CNOT2: variants seen among roughly 807,000 people sequenced by gnomAD.
CNOT2 encodes CCR4-NOT transcription complex subunit 2, also known as CC chemokine receptor 4-negative regulator of transcription 2.
In CNOT2, 7 loss-of-function variants were observed where a neutral mutation model predicts 72.1. The ratio of observed to expected loss-of-function variants is 0.10; its 90% CI spans 0.06 to 0.18. The LOEUF is 0.18. CNOT2 is among the 10% of genes least tolerant of loss of function. CNOT2 has a pLI of 1.00. For synonymous variants in CNOT2, 196 were observed against 225.6 expected (o/e 0.87, Z 1.17); for missense variants, 345 against 660.3 (o/e 0.52, Z 5.23).
intron 2 of CNOT2, among the ~76,000 whole-genome samples, chr12:70,306,127 A>G (rs1875333084): frequency 1.3e-5 from 2 of 152,144 alleles, no homozygotes; most frequent in South Asian, 4.1e-4. Context: ...ACAGAGGATT[A>G]GCTTACTTAT....
At chr12:70,346,097 G>T in intron 14 of CNOT2, 83 bp from the exon 15 acceptor site, 6 of 857,384 alleles carry the variant, frequency 7.0e-6, no homozygotes, top group Middle Eastern at 2.3e-4. Flanking sequence ...TTTTTTTTCC[G>T]GAGGAAAGCT....
chr12:70,278,351 T>C, intron 2 of CNOT2, 77 bp downstream of exon 2: 6 of 1,109,128 alleles, frequency 5.4e-6, no homozygotes, highest in Non-Finnish European at 6.7e-6. Context: ...TTATATGTAA[T>C]TGGAACCAGC....
intron 2 of CNOT2, among the ~76,000 whole-genome samples, chr12:70,302,871 A>C (rs1394670332): frequency 3.5e-4 from 53 of 152,150 alleles, no homozygotes; most frequent in East Asian, 1.5e-3. Context: ...GTAGGTCACT[A>C]AGGACTTGCT....
intron 2 of CNOT2, among the ~76,000 whole-genome samples, chr12:70,302,072 T>G (rs915566864): frequency 6.6e-6 from 1 of 152,212 alleles, no homozygotes; most frequent in Admixed American, 6.5e-5. Flanking sequence ...GATATCCCCT[T>G]TGGCATTTTT....
chr12:70,329,002 T>G (rs1879517782), intron 4 of CNOT2, among the ~76,000 whole-genome samples: 1 of 151,900 alleles, frequency 6.6e-6, no homozygotes, highest in African/African-American at 2.4e-5. Flanking sequence ...CAAAGCGGGG[T>G]TAAATGTCTT....
intron 1 of CNOT2, among the ~76,000 whole-genome samples, chr12:70,254,864 C>T (rs892445166): frequency 2.6e-5 from 4 of 151,512 alleles, no homozygotes; most frequent in African/African-American, 7.3e-5. Flanking sequence ...GTCTCTAATC[C>T]GAGATGCTTG....
rs777224437 is a variant in CNOT2 at position 70,278,278 on chromosome 12, A to G, written c.48+4A>G. 3 of 1,598,742 alleles carry G rather than the reference A, an allele frequency of 1.9e-6. No individual in the cohort carries two copies. The highest frequency in any genetic ancestry group is 2.6e-6 in the Non-Finnish European group (3 of 1,166,046). ...ATCTGAGAAAAGAAACTACCAGGTA[A>G]GACCAGTCTTTCTTCTTTTTTCTCT... On this transcript the variant is annotated splice_donor_region_variant and intron_variant, in intron 2 of 15. Coordinates refer to ENST00000229195, the MANE Select transcript of CNOT2 (RefSeq NM_014515.7).
At chr12:70,329,950 G>A (rs1348222859) in intron 5 of CNOT2, among the ~76,000 whole-genome samples, 1 of 151,960 alleles carries the variant, frequency 6.6e-6, no homozygotes, top group African/African-American at 2.4e-5. Context: ...AGATGACATA[G>A]ACTATACATT....
intron 1 of CNOT2, among the ~76,000 whole-genome samples, chr12:70,250,161 A>G (rs1271340496): frequency 6.6e-6 from 1 of 152,180 alleles, no homozygotes; most frequent in African/African-American, 2.4e-5. Context: ...TTGTAATCCA[A>G]TGCTTAAATG....
chr12:70,268,457 A>G (rs764049382), intron 1 of CNOT2, among the ~76,000 whole-genome samples: 25 of 151,820 alleles, frequency 1.6e-4, no homozygotes, highest in Non-Finnish European at 3.2e-4. Context: ...TTTATTTGTT[A>G]TTTTCTGAGA....
At chr12:70,276,267 C>A (rs1441994310) in intron 1 of CNOT2, among the ~76,000 whole-genome samples, 1 of 151,942 alleles carries the variant, frequency 6.6e-6, no homozygotes, top group African/African-American at 2.4e-5. Flanking sequence ...ATGTATACAG[C>A]ATTAGGGTAT....
At chr12:70,284,882 T>A (rs1870595702) in intron 2 of CNOT2, among the ~76,000 whole-genome samples, 1 of 152,232 alleles carries the variant, frequency 6.6e-6, no homozygotes, top group African/African-American at 2.4e-5. Flanking sequence ...CAAAAGAAAC[T>A]CTGCTAAATA....
At chr12:70,285,392 T>C (rs1870706385) in intron 2 of CNOT2, 1 of 151,808 alleles carries the variant, frequency 6.6e-6, no homozygotes, top group Admixed American at 6.6e-5. Context: ...GTATTTTTTT[T>C]TTTTTAGTAA....
intron 1 of CNOT2, among the ~76,000 whole-genome samples, chr12:70,266,957 T>G (rs1338902780): frequency 6.7e-6 from 1 of 149,844 alleles, no homozygotes; most frequent in Non-Finnish European, 1.5e-5. Flanking sequence ...ATTTTCTGTT[T>G]GTTCCATTTG....
intron 1 of CNOT2, among the ~76,000 whole-genome samples, chr12:70,271,174 T>TA (rs1959208008): frequency 6.6e-6 from 1 of 152,136 alleles, no homozygotes; most frequent in Non-Finnish European, 1.5e-5. Context: ...ACAAGATGGA[T>TA]ATAGTAGCTC....
chr12:70,297,926 G>A (rs1426321625), intron 2 of CNOT2: 1 of 186,534 alleles, frequency 5.4e-6, no homozygotes, highest in African/African-American at 2.4e-5. Flanking sequence ...TAGTAGAGAT[G>A]GGGTTTCGCC....
chr12:70,304,052 A>C (rs1479396617), intron 2 of CNOT2, among the ~76,000 whole-genome samples: 2 of 152,014 alleles, frequency 1.3e-5, no homozygotes. Context: ...TTTCAGCTCC[A>C]TCAGGTCCTT....
chr12:70,301,790 G>A (rs1289868786), intron 2 of CNOT2: 1 of 152,188 alleles, frequency 6.6e-6, no homozygotes, highest in African/African-American at 2.4e-5. Context: ...GTTTCAGAAG[G>A]AATGGTACCA....
At chr12:70,254,994 AAAAAGAAG>A in intron 1 of CNOT2, among the ~76,000 whole-genome samples, 1 of 143,594 alleles carries the variant, frequency 7.0e-6, no homozygotes, top group Admixed American at 6.9e-5. Flanking sequence ...AAAAAAAAAA[AAAAAGAAG>A]AAGAAGAAAA....
Sources: gnomAD v4.1 joint callset for allele counts (sites outside exome capture counted in the v4.1 genomes callset) on GRCh38, gnomAD v4.1.1 for gene constraint, MANE v1.5 for transcripts, NCBI Gene and HGNC (gene_info 2026-07-23, HGNC 2026-07-21) for gene names.